TIA1: variants seen among roughly 807,000 people sequenced by gnomAD.
TIA1 encodes cytotoxic granule associated RNA binding protein TIA1.
In TIA1, 23 loss-of-function variants were observed where a neutral mutation model predicts 65.9. The observed-to-expected ratio is 0.35, with a 90% CI of 0.25 to 0.49. TIA1 has a LOEUF of 0.49. Ranked by LOEUF, TIA1 falls within the 20% of genes least tolerant of loss-of-function variation. TIA1 has a pLI of 0.98. For synonymous variants in TIA1, 147 were observed against 149.4 expected (o/e 0.98, Z 0.12); for missense variants, 371 against 477.9 (o/e 0.78, Z 2.09).
chr2:70,235,018 C>A (rs1325101308), intron 2 of TIA1, among the ~76,000 whole-genome samples: 1 of 152,004 alleles, frequency 6.6e-6, no homozygotes, highest in Non-Finnish European at 1.5e-5. Context: ...TATACCAAGA[C>A]CCTGTCTTTC....
At position 70,221,488 on chromosome 2, in the gene TIA1, C is replaced by T. The variant is rs189689787; in HGVS notation, c.474+3066G>A. 4.0e-5 allele frequency among the ~76,000 whole-genome samples: 6 copies of T among 151,738 alleles called. No individual in the cohort carries two copies. In the East Asian group the frequency reaches 1.2e-3, roughly 30 times the overall value. ...CTCTCTCCAAAAAAAAAAGAGAGAT[C>T]CTAGGTTGATGAGAATGATCCAGTA... On this transcript the variant is annotated intron_variant, in intron 7 of 12. Coordinates refer to ENST00000433529, the MANE Select transcript of TIA1 (RefSeq NM_022173.4).
At chr2:70,228,902 G>T in intron 5 of TIA1, 157 bp downstream of exon 5, 1 of 1,466,878 alleles carries the variant, frequency 6.8e-7, no homozygotes, top group Non-Finnish European at 9.0e-7. Context: ...GTTATACTTG[G>T]TCAACACTGA....
Position 70,227,142 on chromosome 2 carries a change from C to A in TIA1, c.398+593G>T, listed in dbSNP as rs776236457. Among the ~76,000 whole-genome samples the A allele has an allele frequency of 3.3e-5, 5 of 152,056 alleles. No individual in the cohort carries two copies. In the South Asian group the frequency reaches 6.2e-4, roughly 19 times the overall value. Reference sequence around the variant, plus strand: ...GCATGCTTTTCAAAATTTTAAAGTTCTTCTATGATGAATGCTATCTCAAGT... The same window carrying A: ...GCATGCTTTTCAAAATTTTAAAGTTATTCTATGATGAATGCTATCTCAAGT... On this transcript the variant is annotated intron_variant, in intron 6 of 12. Coordinates refer to ENST00000433529, the MANE Select transcript of TIA1 (RefSeq NM_022173.4).
At chr2:70,237,333 C>T (rs1276665996) in intron 1 of TIA1, among the ~76,000 whole-genome samples, 1 of 152,022 alleles carries the variant, frequency 6.6e-6, no homozygotes, top group Admixed American at 6.6e-5. Context: ...ACCCAGGAGG[C>T]AGAGGCTGGG....
At chr2:70,215,915 T>C (rs138472294) in intron 10 of TIA1, among the ~76,000 whole-genome samples, 111 of 152,186 alleles carry the variant, frequency 7.3e-4, no homozygotes, top group Admixed American at 1.2e-3. Context: ...TGCCGGCTAA[T>C]TTTTATATTT....
intron 7 of TIA1, among the ~76,000 whole-genome samples, chr2:70,223,987 G>A (rs561786282): frequency 2.0e-5 from 3 of 151,906 alleles, no homozygotes; most frequent in Non-Finnish European, 2.9e-5. Context: ...GCATGATCTC[G>A]GCTCACTGCA....
intron 7 of TIA1, among the ~76,000 whole-genome samples, chr2:70,219,645 A>T: frequency 6.8e-6 from 1 of 146,942 alleles, no homozygotes; most frequent in African/African-American, 2.5e-5. Context: ...TGTTTTTTTT[A>T]TTTTTTTAAT....
chr2:70,225,454 A>G, intron 6 of TIA1: 1 of 1,281,448 alleles, frequency 7.8e-7, no homozygotes, highest in South Asian at 1.3e-5. Flanking sequence ...ATGATAGCTA[A>G]AACTCCATAC....
chr2:70,227,803 A>G lies in TIA1; in HGVS notation c.330T>C (p.Val110=). 1 of 1,600,138 alleles carries G rather than the reference A, an allele frequency of 6.2e-7. No homozygotes were observed. The highest frequency in any genetic ancestry group is 1.1e-5 in the South Asian group (1 of 89,010). Residue 110 remains valine (V), a synonymous_variant, in exon 6 of 13, where the codon GTT becomes GTC. Transcript: ENST00000433529. ...QRSQDHFHVF[V]GDLSPEITTE... is the part of the protein sequence containing the mutation. ...TTGTAATTTCTGGGCTGAGATCACC[A>G]ACAAAGACATGGAAATGATCTTATA...
At chr2:70,231,372 A>AGG (rs916310012) in intron 2 of TIA1, among the ~76,000 whole-genome samples, 1 of 152,020 alleles carries the variant, frequency 6.6e-6, no homozygotes, top group African/African-American at 2.4e-5. Context: ...CTGAGGTGGG[A>AGG]GGAATGCTTG....
At chr2:70,242,488 C>T (rs1364813943) in intron 1 of TIA1, among the ~76,000 whole-genome samples, 1 of 69,232 alleles carries the variant, frequency 1.4e-5, no homozygotes, top group Admixed American at 2.6e-4. Context: ...GACAGAGACT[C>T]AGTCTCAAAA....
At position 70,224,569 on chromosome 2, in the gene TIA1, G is replaced by T. The variant is rs1683004228; in HGVS notation, c.459C>A (p.Ser153=). The T allele has an allele frequency of 1.2e-6, 2 of 1,613,864 alleles. No homozygotes were observed. Among genetic ancestry groups the T allele is most frequent in the Non-Finnish European group, 1.7e-6 (2 of 1,179,992 alleles). The part of the protein sequence containing the change: ...TGKSKGYGFV[S]FFNKWDAENA... ...CTGAGCTCACCCATTTGTTGAAAAA[G>T]GAGACAAAGCCATATCCCTTAGACT... Residue 153 remains serine (S), a synonymous_variant, in exon 7 of 13, where the codon TCC becomes TCA. Transcript: ENST00000433529.
chr2:70,215,794 C>T lies in TIA1; in HGVS notation c.765-300G>A, dbSNP rs1000048219. 2.5e-5 allele frequency: 8 copies of T among 322,412 alleles called. No homozygotes were observed. The Middle Eastern group carries it at 3.1e-3, about 124-fold the overall frequency. 20.0% of individuals were successfully genotyped at this position (322,412 alleles called of 1,614,324 possible). Reference sequence around the variant, plus strand: ...ATGGTGTCTGGCTCTGTTGCCCATGCTGGAGTGCAGTGATTGTGATCTTGG... The same window carrying T: ...ATGGTGTCTGGCTCTGTTGCCCATGTTGGAGTGCAGTGATTGTGATCTTGG... On this transcript the variant is annotated intron_variant, in intron 10 of 12. Transcript: ENST00000433529.
At chr2:70,225,733 T>C (rs1041111495) in intron 6 of TIA1, among the ~76,000 whole-genome samples, 4 of 152,204 alleles carry the variant, frequency 2.6e-5, no homozygotes, top group Non-Finnish European at 5.9e-5. Context: ...CAATGTTCAA[T>C]ATGCAAAAAT....
intron 7 of TIA1, among the ~76,000 whole-genome samples, chr2:70,221,669 T>C (rs551060455): frequency 4.7e-4 from 72 of 152,252 alleles, no homozygotes; most frequent in African/African-American, 1.6e-3. Flanking sequence ...GAAAGGAGGA[T>C]AGTGACTGCT....
At position 70,243,398 on chromosome 2, in the gene TIA1, G is replaced by A. The variant is rs901668720; in HGVS notation, c.26+5007C>T. Among the ~76,000 whole-genome samples the A allele has an allele frequency of 5.3e-5, 8 of 152,156 alleles. No homozygotes were observed. In the South Asian group the frequency reaches 1.0e-3, roughly 20 times the overall value. Reference sequence around the variant, plus strand: ...GCTGTGATCACACCACTGCGCCAGAGCCTGGACAACAGGATGAGACCCTAT... The same window carrying A: ...GCTGTGATCACACCACTGCGCCAGAACCTGGACAACAGGATGAGACCCTAT... On this transcript the variant is annotated intron_variant, in intron 1 of 12. Transcript: ENST00000433529.
At chr2:70,230,701 T>C (rs1328567075) in intron 3 of TIA1, 55 bp downstream of exon 3, 1 of 1,279,870 alleles carries the variant, frequency 7.8e-7, no homozygotes, top group South Asian at 1.3e-5. Context: ...AACAAAATCA[T>C]ATATAACTTA....
At chr2:70,216,326 A>C (rs1231063845) in intron 9 of TIA1, 34 bp from the exon 10 acceptor site, 1 of 1,580,738 alleles carries the variant, frequency 6.3e-7, no homozygotes, top group Non-Finnish European at 8.6e-7. Context: ...AACAAATCAC[A>C]CTAAGTTATA....
chr2:70,233,310 A>C (rs1327664244), intron 2 of TIA1, among the ~76,000 whole-genome samples: 3 of 152,238 alleles, frequency 2.0e-5, no homozygotes, highest in Admixed American at 2.0e-4. Flanking sequence ...TGACTTGTAA[A>C]AATTTTAAAG....
Sources: allele counts gnomAD v4.1 joint callset (sites outside exome capture counted in the v4.1 genomes callset), GRCh38; gene constraint gnomAD v4.1.1; transcripts MANE v1.5; gene names NCBI Gene and HGNC (gene_info 2026-07-23, HGNC 2026-07-21).